AFAP1: variants seen among roughly 807,000 people sequenced by gnomAD.
AFAP1 encodes actin filament associated protein 1, also known as actin filament-associated protein 1.
A neutral mutation model predicts 93.9 loss-of-function variants in AFAP1; 75 were observed. The ratio of observed to expected loss-of-function variants is 0.80; its 90% CI spans 0.66 to 0.97. AFAP1 has a LOEUF of 0.97. Ranked by LOEUF, AFAP1 falls within the 50% of genes least tolerant of loss-of-function variation. The pLI is 0.00. For synonymous variants in AFAP1, 517 were observed against 430.7 expected (o/e 1.20, Z -2.48); for missense variants, 1,201 against 1,050.8 (o/e 1.14, Z -1.98).
At chr4:7,833,789 C>T (rs533256465) in intron 6 of AFAP1, among the ~76,000 whole-genome samples, 54 of 151,898 alleles carry the variant, frequency 3.6e-4, no homozygotes, top group African/African-American at 1.1e-3. Flanking sequence ...AGGGTTTCAC[C>T]GTGTTATCCA....
At chr4:7,886,429 A>G (rs996898002) in intron 1 of AFAP1, among the ~76,000 whole-genome samples, 3 of 152,254 alleles carry the variant, frequency 2.0e-5, no homozygotes, top group Non-Finnish European at 4.4e-5. Flanking sequence ...CAACTCTGAA[A>G]GTGGGATCTT....
rs966039966 is a variant in AFAP1, at chr4:7,842,843, C to A, written c.546+296G>T. The stretch of plus-strand genomic sequence containing the variant: ...CTTGCAACTCCTGGCAAGTTAAAAT[C>A]TTGTGCATTTCCACAGACGCAAACC... On this transcript the variant is annotated intron_variant, in intron 5 of 17. Coordinates refer to ENST00000420658, the MANE Select transcript of AFAP1 (RefSeq NM_001134647.2). 9.6e-5 allele frequency: 33 copies of A among 343,544 alleles called. 1 individual carries two copies. Among genetic ancestry groups the A allele is most frequent in the Non-Finnish European group, 6.4e-5 (12 of 187,012 alleles). The allele number at this position is 343,544 out of a possible 1,614,324, so 21.3% of individuals were successfully genotyped here.
intron 1 of AFAP1, among the ~76,000 whole-genome samples, chr4:7,906,891 A>C (rs1049223106): frequency 4.6e-5 from 7 of 151,988 alleles, no homozygotes; most frequent in Middle Eastern, 3.4e-3. Context: ...AATCCCAGCT[A>C]TTCGGGAGGC....
At chr4:7,846,280 A>G (rs542630624) in intron 4 of AFAP1, among the ~76,000 whole-genome samples, 4 of 152,238 alleles carry the variant, frequency 2.6e-5, no homozygotes, top group Non-Finnish European at 5.9e-5. Context: ...GCATATACTC[A>G]TATTTTATGC....
At chr4:7,919,219 C>T (rs1323209450) in intron 1 of AFAP1, among the ~76,000 whole-genome samples, 6 of 152,218 alleles carry the variant, frequency 3.9e-5, no homozygotes, top group South Asian at 2.1e-4. Context: ...GGCCCAACGG[C>T]GGCAACAACA....
chr4:7,922,625 C>T (rs1488907582), intron 1 of AFAP1, among the ~76,000 whole-genome samples: 4 of 152,196 alleles, frequency 2.6e-5, no homozygotes, highest in African/African-American at 9.7e-5. Context: ...CCCAAACTTG[C>T]ATATCATGCC....
chr4:7,856,165 C>A (rs563987459), intron 3 of AFAP1, among the ~76,000 whole-genome samples: 1 of 152,354 alleles, frequency 6.6e-6, no homozygotes, highest in South Asian at 2.1e-4. Flanking sequence ...AAAAGCAAAT[C>A]ACCTGGGAGC....
intron 8 of AFAP1, among the ~76,000 whole-genome samples, chr4:7,813,174 C>T (rs1018396359): frequency 2.6e-5 from 4 of 152,076 alleles, no homozygotes; most frequent in African/African-American, 9.7e-5. Context: ...CTATGCAGCC[C>T]GCAGAGAAAT....
At chr4:7,827,590 A>AAAAAAAAAAAAAAAAAAG (rs1721544109) in intron 6 of AFAP1, among the ~76,000 whole-genome samples, 1 of 142,380 alleles carries the variant, frequency 7.0e-6, no homozygotes, top group Admixed American at 7.1e-5. Context: ...AAAAAAAAAA[A>AAAAAAAAAAAAAAAAAAG]GGGAGAGGAG....
intron 10 of AFAP1, among the ~76,000 whole-genome samples, chr4:7,798,544 G>GT (rs919095086): frequency 2.0e-5 from 3 of 152,224 alleles, no homozygotes; most frequent in African/African-American, 7.2e-5. Flanking sequence ...GGCTGTAGAT[G>GT]TTTATGTGTC....
In AFAP1 at chr4:7,759,598, T is replaced by A. The variant is rs141901598; in HGVS notation, c.*4167A>T. On this transcript the variant is annotated 3_prime_UTR_variant, in exon 18 of 18. Transcript: ENST00000420658. ...AAATGAATTATCCTCCTTCAAACTA[T>A]GTCATGAACTTGAAGTGACTGTTCC... 1 of 152,676 alleles carries A rather than the reference T, an allele frequency of 6.5e-6. No homozygotes were observed. The highest frequency in any genetic ancestry group is 6.5e-5 in the Admixed American group (1 of 15,290). 9.5% of individuals were successfully genotyped at this position (152,676 alleles called of 1,614,324 possible).
chr4:7,900,023 T>A (rs1331246898), intron 1 of AFAP1, among the ~76,000 whole-genome samples: 2 of 152,204 alleles, frequency 1.3e-5, no homozygotes, highest in African/African-American at 4.8e-5. Flanking sequence ...TCCCTAAGAC[T>A]AAGCCATGGC....
intron 5 of AFAP1, among the ~76,000 whole-genome samples, chr4:7,839,344 AAAAAC>A (rs1042960945): frequency 5.1e-4 from 74 of 144,410 alleles, no homozygotes; most frequent in South Asian, 4.4e-4. Flanking sequence ...ACTAACAAAG[AAAAAC>A]AAAACAAAAC....
chr4:7,782,758 G>A lies in AFAP1; in HGVS notation c.1531-1131C>T, dbSNP rs183299505. On this transcript the variant is annotated intron_variant, in intron 12 of 17. Coordinates refer to ENST00000420658, the MANE Select transcript of AFAP1 (RefSeq NM_001134647.2). ...TGCCAGACGGTAATTACAACCTTTTGTTATAAAAATAGAGAAGACTTAAAA... is the reference window on the plus strand; with the variant it reads ...TGCCAGACGGTAATTACAACCTTTTATTATAAAAATAGAGAAGACTTAAAA... 6.6e-4 allele frequency among the ~76,000 whole-genome samples: 101 copies of A among 152,224 alleles called. 2 individuals carry two copies. The East Asian group carries it at 0.017, about 26-fold the overall frequency.
At chr4:7,788,376 T>C (rs953222425) in intron 11 of AFAP1, among the ~76,000 whole-genome samples, 1 of 152,228 alleles carries the variant, frequency 6.6e-6, no homozygotes, top group African/African-American at 2.4e-5. Flanking sequence ...GGCTTGGGGC[T>C]CCGGGCTGGG....
At chr4:7,841,217 G>A (rs1712969582) in intron 5 of AFAP1, among the ~76,000 whole-genome samples, 1 of 152,232 alleles carries the variant, frequency 6.6e-6, no homozygotes, top group African/African-American at 2.4e-5. Flanking sequence ...CCCAGTTTGA[G>A]TGGCCTCAGG....
intron 1 of AFAP1, among the ~76,000 whole-genome samples, chr4:7,906,526 C>G (rs114279337): frequency 6.6e-6 from 1 of 152,134 alleles, no homozygotes; most frequent in South Asian, 2.1e-4. Context: ...ATCTAGGCTT[C>G]GAGAGCCTCA....
intron 5 of AFAP1, among the ~76,000 whole-genome samples, chr4:7,841,567 G>T (rs1009112824): frequency 1.3e-5 from 2 of 152,188 alleles, no homozygotes; most frequent in African/African-American, 2.4e-5. Flanking sequence ...TTTAGGGGAA[G>T]AACATGGCTT....
intron 12 of AFAP1, 93 bp downstream of exon 12, chr4:7,786,101 T>A: frequency 1.7e-6 from 2 of 1,190,598 alleles, no homozygotes; most frequent in Non-Finnish European, 1.2e-6. Context: ...GCTGACCTTA[T>A]TCAGACCTGA....
Sources: gnomAD v4.1 joint callset for allele counts (sites outside exome capture counted in the v4.1 genomes callset) on GRCh38, gnomAD v4.1.1 for gene constraint, MANE v1.5 for transcripts, NCBI Gene and HGNC (gene_info 2026-07-23, HGNC 2026-07-21) for gene names.